The following PAG1 variants were observed in gnomAD, a reference collection of about 807,000 sequenced individuals.
The protein encoded by PAG1 is phosphoprotein associated with glycosphingolipid-enriched microdomains 1.
A neutral mutation model predicts 31.7 loss-of-function variants in PAG1; 23 were observed. The ratio of observed to expected loss-of-function variants is 0.73; its 90% CI spans 0.52 to 1.03. The LOEUF (loss-of-function observed/expected upper bound fraction) is 1.03, where lower values mean the gene tolerates loss of function less well. Ranked by LOEUF, PAG1 falls within the 50% of genes least tolerant of loss-of-function variation. The pLI, the probability that PAG1 is intolerant of heterozygous loss-of-function variation, is 0.00. For synonymous variants in PAG1, 214 were observed against 210.3 expected (o/e 1.02, Z -0.15); for missense variants, 473 against 540.7 (o/e 0.87, Z 1.24).
chr8:81,043,962 TTTC>T (rs1808598853), intron 2 of PAG1, among the ~76,000 whole-genome samples: 1 of 152,002 alleles, frequency 6.6e-6, no homozygotes, highest in Admixed American at 6.6e-5. Flanking sequence ...CAGATTTCTT[TTTC>T]TTCTTCTTTT....
intron 1 of PAG1, among the ~76,000 whole-genome samples, chr8:81,073,277 C>T (rs1215410031): frequency 3.3e-5 from 5 of 152,166 alleles, no homozygotes; most frequent in Non-Finnish European, 7.3e-5. Flanking sequence ...GCTAGTGTCC[C>T]AAGTGAGTAT....
chr8:81,025,759 G>A (rs145527229), intron 3 of PAG1, among the ~76,000 whole-genome samples: 9 of 152,230 alleles, frequency 5.9e-5, no homozygotes, highest in South Asian at 2.1e-4. Flanking sequence ...TGTTTACCAT[G>A]TAACAGGGAT....
chr8:81,001,481 G>A (rs946555153), intron 3 of PAG1, among the ~76,000 whole-genome samples: 3 of 152,128 alleles, frequency 2.0e-5, no homozygotes, highest in African/African-American at 4.8e-5. Context: ...CTGCTTGCCC[G>A]ACCACCTGGC....
Position 81,096,792 on chromosome 8 carries a change from C to T in PAG1, c.-234+14799G>A, listed in dbSNP as rs1020188466. On this transcript the variant is annotated intron_variant, in intron 1 of 8. Coordinates refer to ENST00000220597, the MANE Select transcript of PAG1 (RefSeq NM_018440.4). Reference sequence around the variant, plus strand: ...AAATCAGGCCCCTGGTAGGCTGCCTCATGATGAGATAAGTAAAGGCCTTGC... The same window carrying T: ...AAATCAGGCCCCTGGTAGGCTGCCTTATGATGAGATAAGTAAAGGCCTTGC... Among the ~76,000 whole-genome samples, 34 of 152,294 alleles carry T rather than the reference C, an allele frequency of 2.2e-4. 1 individual carries two copies. Among genetic ancestry groups the T allele is most frequent in the Non-Finnish European group, 1.0e-4 (7 of 68,024 alleles).
At chr8:81,097,149 G>A (rs976202102) in intron 1 of PAG1, among the ~76,000 whole-genome samples, 1 of 152,136 alleles carries the variant, frequency 6.6e-6, no homozygotes, top group East Asian at 1.9e-4. Flanking sequence ...CCAAGGTTGG[G>A]GCCCCACCCC....
chr8:81,058,879 A>G (rs1043416104), intron 2 of PAG1, among the ~76,000 whole-genome samples: 26 of 152,240 alleles, frequency 1.7e-4, no homozygotes, highest in Non-Finnish European at 8.8e-5. Flanking sequence ...CCTGGGCAAC[A>G]GAGCAAGATC....
chr8:81,086,686 T>A (rs1809364048), intron 1 of PAG1, among the ~76,000 whole-genome samples: 2 of 152,104 alleles, frequency 1.3e-5, no homozygotes. Flanking sequence ...ATATCTCTCA[T>A]GAGAAAAAGT....
chr8:80,991,929 A>G (rs1446314925), intron 4 of PAG1, among the ~76,000 whole-genome samples: 1 of 149,048 alleles, frequency 6.7e-6, no homozygotes, highest in Non-Finnish European at 1.5e-5. Context: ...CTGCAGTGGG[A>G]TGGAGAAAAT....
chr8:81,104,807 G>T (rs1382027549), intron 1 of PAG1, among the ~76,000 whole-genome samples: 1 of 151,930 alleles, frequency 6.6e-6, no homozygotes, highest in Non-Finnish European at 1.5e-5. Flanking sequence ...AGCTTACTTT[G>T]TCTGTCCCTT....
At chr8:81,040,388 T>C (rs1196616839) in intron 2 of PAG1, among the ~76,000 whole-genome samples, 1 of 152,098 alleles carries the variant, frequency 6.6e-6, no homozygotes, top group Non-Finnish European at 1.5e-5. Flanking sequence ...TCCACCTCCA[T>C]TGTGGTGGCT....
chr8:81,055,237 AT>A (rs1398155407), intron 2 of PAG1, among the ~76,000 whole-genome samples: 2 of 150,906 alleles, frequency 1.3e-5, no homozygotes, highest in South Asian at 4.2e-4. Flanking sequence ...CTAATTTTTA[AT>A]TTTTTTTTAC....
chr8:81,011,317 T>C (rs143823346), intron 3 of PAG1, among the ~76,000 whole-genome samples: 1,591 of 152,286 alleles, frequency 0.01, 25 homozygotes, highest in African/African-American at 0.036. Context: ...TGGGAGTGGT[T>C]TCCCCCATAC....
At position 81,102,966 on chromosome 8, in the gene PAG1, C is replaced by T. The variant is rs183562298; in HGVS notation, c.-234+8625G>A. On this transcript the variant is annotated intron_variant, in intron 1 of 8. Coordinates refer to ENST00000220597, the MANE Select transcript of PAG1 (RefSeq NM_018440.4). Reference sequence around the variant, plus strand: ...TTTTTTATACATGCACACACAGGTACGTGTACACACGGAATGCCTCTTACA... The same window carrying T: ...TTTTTTATACATGCACACACAGGTATGTGTACACACGGAATGCCTCTTACA... Among the ~76,000 whole-genome samples the T allele has an allele frequency of 2.6e-3, 393 of 152,206 alleles. 3 individuals carry two copies. Among genetic ancestry groups the T allele is most frequent in the Non-Finnish European group, 8.2e-4 (56 of 67,998 alleles).
At chr8:81,027,222 G>A (rs1483841097) in intron 3 of PAG1, among the ~76,000 whole-genome samples, 2 of 151,984 alleles carry the variant, frequency 1.3e-5, no homozygotes, top group Non-Finnish European at 1.5e-5. Flanking sequence ...GGCTGGTCTC[G>A]AACTCCTGGA....
At chr8:81,100,640 G>A (rs1231972364) in intron 1 of PAG1, among the ~76,000 whole-genome samples, 5 of 152,196 alleles carry the variant, frequency 3.3e-5, no homozygotes, top group Admixed American at 6.5e-5. Context: ...CAAACCGATG[G>A]CGGACGCATT....
Position 80,984,896 on chromosome 8 carries a change from T to G in PAG1, c.756A>C (p.Pro252=). 6.2e-7 allele frequency: 1 copy of G among 1,614,200 alleles called. No individual in the cohort carries two copies. The highest frequency in any genetic ancestry group is 1.3e-5 in the African/African-American group (1 of 75,056). Residue 252 remains proline (P), a synonymous_variant, in exon 7 of 9, where the codon CCA becomes CCC. Transcript: ENST00000220597. ...VESILGNSCD[P]EEEAPPPVPV... is the part of the protein sequence containing the mutation. ...GGACAGGTGGTGGGGCCTCCTCTTC[T>G]GGATCACATGAATTTCCAAGGATAC...
At chr8:81,053,248 G>T in intron 2 of PAG1, among the ~76,000 whole-genome samples, 1 of 152,148 alleles carries the variant, frequency 6.6e-6, no homozygotes, top group Non-Finnish European at 1.5e-5. Flanking sequence ...AAAGAATAGA[G>T]ATTTAATTTT....
intron 3 of PAG1, among the ~76,000 whole-genome samples, chr8:81,020,128 C>A (rs556404345): frequency 1.6e-4 from 24 of 152,254 alleles, no homozygotes; most frequent in African/African-American, 5.3e-4. Flanking sequence ...AATGCCTGTA[C>A]CCCCATTATA....
intron 3 of PAG1, among the ~76,000 whole-genome samples, chr8:81,016,159 A>C (rs575349843): frequency 8.4e-4 from 128 of 152,360 alleles, no homozygotes; most frequent in Middle Eastern, 3.4e-3. Context: ...AAGAACCTCC[A>C]ACCTAAGATG....
Sources: gnomAD v4.1 joint callset for allele counts (sites outside exome capture counted in the v4.1 genomes callset) on GRCh38, gnomAD v4.1.1 for gene constraint, MANE v1.5 for transcripts, NCBI Gene and HGNC (gene_info 2026-07-23, HGNC 2026-07-21) for gene names.